Variants in NFILZ observed in about 807,000 individuals in gnomAD.
The protein encoded by NFILZ is NFIL3 like protein.
In NFILZ at chr19:8,680,057, A is replaced by C. The variant is rs1254741175; in HGVS notation, c.*2422A>C. 6.6e-6 allele frequency among the ~76,000 whole-genome samples: 1 copy of C among 151,996 alleles called. No homozygotes were observed. Among genetic ancestry groups the C allele is most frequent in the Non-Finnish European group, 1.5e-5 (1 of 68,004 alleles). ...GTAAAAATACAAAAATTAGCCGGGC[A>C]TGGTAGCGAGCGCCTGTAATCTCAG... On this transcript the variant is annotated 3_prime_UTR_variant, in exon 6 of 6. Coordinates refer to ENST00000691075, the MANE Select transcript of NFILZ (RefSeq NM_001378600.1).
At chr19:8,663,752 G>GTATGTGTGTGTA (rs1568423392) in intron 3 of NFILZ, among the ~76,000 whole-genome samples, 46 of 127,738 alleles carry the variant, frequency 3.6e-4, no homozygotes, top group Non-Finnish European at 4.6e-4. Flanking sequence ...GTGTGTGTGT[G>GTATGTGTGTGTA]TGTGTGTGTG....
At chr19:8,673,879 C>T (rs1183657050) in intron 3 of NFILZ, among the ~76,000 whole-genome samples, 6 of 152,042 alleles carry the variant, frequency 3.9e-5, no homozygotes, top group East Asian at 1.9e-4. Flanking sequence ...CTTGCTCTGT[C>T]GCCCAGGCTG....
rs531723685 is a variant in NFILZ at position 8,679,048 on chromosome 19, T to A, written c.*1413T>A. ...CAGTTTGAGGGGCAGACATATTGGCTTCTTCTGTGTCTTGGATCAGGCCTT... is the reference window on the plus strand; with the variant it reads ...CAGTTTGAGGGGCAGACATATTGGCATCTTCTGTGTCTTGGATCAGGCCTT... On this transcript the variant is annotated 3_prime_UTR_variant, in exon 6 of 6. Coordinates refer to ENST00000691075, the MANE Select transcript of NFILZ (RefSeq NM_001378600.1). 5.0e-5 allele frequency among the ~76,000 whole-genome samples: 7 copies of A among 140,090 alleles called. No homozygotes were observed. In the East Asian group the frequency reaches 1.5e-3, roughly 29 times the overall value. The allele number at this position is 140,090 out of a possible 152,430, so 91.9% of individuals were successfully genotyped here. A position where few individuals can be genotyped will look rare whatever the true frequency, so the allele number is the denominator to read the frequency against.
In NFILZ at chr19:8,680,210, AAAAAG is replaced by A. The variant is rs1489843408; in HGVS notation, c.*2576_*2580del. On this transcript the variant is annotated 3_prime_UTR_variant, in exon 6 of 6. Coordinates refer to ENST00000691075, the MANE Select transcript of NFILZ (RefSeq NM_001378600.1). ...GACTCCATCTGAAAAAAAAAAAAAA[AAAAAG>A]GAAAAAGAAAAAATCCTGTTTCCCT... Among the ~76,000 whole-genome samples the A allele has an allele frequency of 5.3e-3, 747 of 140,190 alleles. 12 individuals carry two copies. The highest frequency in any genetic ancestry group is 0.02 in the African/African-American group (711 of 36,392). 92.0% of individuals were successfully genotyped at this position (140,190 alleles called of 152,430 possible).
At chr19:8,643,669 C>A (rs1461457227) in intron 3 of NFILZ, among the ~76,000 whole-genome samples, 1 of 152,138 alleles carries the variant, frequency 6.6e-6, no homozygotes, top group African/African-American at 2.4e-5. Flanking sequence ...GGCTCTCAGG[C>A]CTTCAGACCT....
intron 3 of NFILZ, among the ~76,000 whole-genome samples, chr19:8,673,414 G>A (rs569299021): frequency 5.9e-5 from 9 of 152,302 alleles, no homozygotes; most frequent in East Asian, 1.9e-4. Context: ...AGGGCGTCCC[G>A]TCTGGCACCT....
intron 3 of NFILZ, among the ~76,000 whole-genome samples, chr19:8,673,341 TTA>T (rs575644901): frequency 1.2e-4 from 18 of 152,144 alleles, no homozygotes; most frequent in Admixed American, 1.1e-3. Context: ...CTGAGCAAGG[TTA>T]TGTTATTAGC....
rs1447897291 is a variant in NFILZ, at chr19:8,656,424, T to C, written c.-163-18127T>C. Among the ~76,000 whole-genome samples the C allele has an allele frequency of 1.3e-3, 109 of 83,388 alleles. 6 individuals carry two copies. The highest frequency in any genetic ancestry group is 3.1e-3 in the African/African-American group (69 of 22,236). 54.7% of individuals were successfully genotyped at this position (83,388 alleles called of 152,430 possible). A position where few individuals can be genotyped will look rare whatever the true frequency, so the allele number is the denominator to read the frequency against. On this transcript the variant is annotated intron_variant, in intron 3 of 5. Coordinates refer to ENST00000691075, the MANE Select transcript of NFILZ (RefSeq NM_001378600.1). ...CACCTTCTCTCTGAAACCCACCTCT[T>C]TCCGCAGCCCACCTTCTCCTCGAAG... is the stretch of plus-strand genomic sequence containing the variant.
At chr19:8,639,765 C>T (rs1555746480) in intron 3 of NFILZ, among the ~76,000 whole-genome samples, 1 of 152,000 alleles carries the variant, frequency 6.6e-6, no homozygotes, top group Admixed American at 6.6e-5. Context: ...CAGTGTCTGG[C>T]ATATACCACA....
intron 4 of NFILZ, among the ~76,000 whole-genome samples, chr19:8,675,994 A>C (rs556918252): frequency 6.6e-6 from 1 of 152,308 alleles, no homozygotes; most frequent in South Asian, 2.1e-4. Flanking sequence ...CTCTCAGTGA[A>C]TCAATGGACG....
chr19:8,662,453 C>A (rs1219656418), intron 3 of NFILZ, among the ~76,000 whole-genome samples: 2 of 151,798 alleles, frequency 1.3e-5, no homozygotes, highest in Non-Finnish European at 2.9e-5. Flanking sequence ...GAGGGAACAG[C>A]CTGTGCAAAG....
intron 3 of NFILZ, among the ~76,000 whole-genome samples, chr19:8,647,359 G>A (rs999657300): frequency 6.6e-6 from 1 of 152,068 alleles, no homozygotes; most frequent in Non-Finnish European, 1.5e-5. Context: ...ATCACCTGAG[G>A]TCAGGGGTTT....
chr19:8,641,384 A>C (rs979231546), intron 3 of NFILZ, among the ~76,000 whole-genome samples: 2 of 152,094 alleles, frequency 1.3e-5, no homozygotes, highest in South Asian at 2.1e-4. Context: ...TCTGGACCAC[A>C]TACTTGTTTA....
chr19:8,663,736 G>GTGTGTGTGTGTGTATGTGTGTGTATA, intron 3 of NFILZ, among the ~76,000 whole-genome samples: 1 of 136,144 alleles, frequency 7.3e-6, no homozygotes, highest in African/African-American at 2.7e-5. Context: ...GTGTGTGTGT[G>GTGTGTGTGTGTGTATGTGTGTGTATA]TGTGTGTGTG....
intron 3 of NFILZ, among the ~76,000 whole-genome samples, chr19:8,648,459 C>T (rs1438636277): frequency 2.0e-5 from 3 of 152,076 alleles, no homozygotes; most frequent in Non-Finnish European, 4.4e-5. Context: ...TGCCTCTGAA[C>T]TGTATGGACG....
intron 2 of NFILZ, among the ~76,000 whole-genome samples, chr19:8,633,890 C>A (rs868952185): frequency 2.8e-5 from 3 of 105,722 alleles, no homozygotes; most frequent in African/African-American, 7.0e-5. Context: ...TTCCTTCCTT[C>A]CTTCCTTCCT....
intron 2 of NFILZ, among the ~76,000 whole-genome samples, chr19:8,634,187 G>A (rs1488998255): frequency 2.0e-5 from 3 of 151,836 alleles, no homozygotes; most frequent in African/African-American, 7.3e-5. Flanking sequence ...TGGTAGAGAA[G>A]GGGTTTCACC....
At chr19:8,664,340 G>A (rs1207107659) in intron 3 of NFILZ, among the ~76,000 whole-genome samples, 2 of 152,178 alleles carry the variant, frequency 1.3e-5, no homozygotes, top group Non-Finnish European at 2.9e-5. Context: ...TGGCCTCACC[G>A]GCTCTGGACA....
intron 3 of NFILZ, among the ~76,000 whole-genome samples, chr19:8,653,365 G>A (rs2042978187): frequency 6.6e-6 from 1 of 152,108 alleles, no homozygotes; most frequent in South Asian, 2.1e-4. Flanking sequence ...ACAGGCATGA[G>A]CTACTGCGCC....
Sources: gnomAD v4.1 joint callset for allele counts (sites outside exome capture counted in the v4.1 genomes callset) on GRCh38, gnomAD v4.1.1 for gene constraint, MANE v1.5 for transcripts, NCBI Gene and HGNC (gene_info 2026-07-23, HGNC 2026-07-21) for gene names.